The following PREX1 variants were observed in gnomAD, a reference collection of about 807,000 sequenced individuals.
The protein encoded by PREX1 is phosphatidylinositol 3,4,5-trisphosphate-dependent Rac exchanger 1 protein.
PREX1 carries 41 observed loss-of-function variants against 198.3 expected under a neutral mutation model. The ratio of observed to expected loss-of-function variants is 0.21; its 90% CI spans 0.16 to 0.27. The LOEUF (loss-of-function observed/expected upper bound fraction) is 0.27, where lower values mean the gene tolerates loss of function less well. Ranked by LOEUF, PREX1 falls within the 10% of genes least tolerant of loss-of-function variation. PREX1 has a pLI of 1.00. For missense variants in PREX1, 1,620 were observed against 2,200.7 expected (o/e 0.74, Z 5.28); for synonymous variants, 843 against 887.2 (o/e 0.95, Z 0.89).
At chr20:48,831,150 C>G (rs1439074259), upstream of PREX1, among the ~76,000 whole-genome samples, 2 of 152,140 alleles carry the variant, frequency 1.3e-5, no homozygotes, top group African/African-American at 4.8e-5. Context: ...GCAACATTGC[C>G]TCCTCACACA....
chr20:48,682,301 C>T (rs547379799), intron 10 of PREX1, among the ~76,000 whole-genome samples: 11 of 152,308 alleles, frequency 7.2e-5, no homozygotes, highest in Non-Finnish European at 1.3e-4. Context: ...GAGAAGCCTT[C>T]CCTGACTACC....
At chr20:48,627,759 G>T (rs1468243332) in intron 38 of PREX1, 102 bp downstream of exon 38, 3 of 1,392,340 alleles carry the variant, frequency 2.2e-6, no homozygotes, top group South Asian at 1.2e-5. Flanking sequence ...GAAGGCTCAG[G>T]TCTGGGGCTG....
chr20:48,873,662 G>A, the PREX1 span, among the ~76,000 whole-genome samples: 49 of 151,900 alleles, frequency 3.2e-4, 2 homozygotes, highest in East Asian at 6.2e-3. Context: ...GGAGGTTGCA[G>A]TGAGCTGAGA....
At chr20:48,780,026 A>T (rs1295759301) in intron 1 of PREX1, among the ~76,000 whole-genome samples, 3 of 152,252 alleles carry the variant, frequency 2.0e-5, no homozygotes, top group Non-Finnish European at 4.4e-5. Flanking sequence ...AAGTCAAATT[A>T]AATGTTTGAA....
intron 1 of PREX1, among the ~76,000 whole-genome samples, chr20:48,811,319 C>G (rs2090434011): frequency 6.6e-6 from 1 of 152,056 alleles, no homozygotes; most frequent in Admixed American, 6.6e-5. Flanking sequence ...CCAGCCTAAA[C>G]AAAAAATTTT....
At chr20:48,828,839 G>C (rs1484654702), upstream of PREX1, among the ~76,000 whole-genome samples, 1 of 152,242 alleles carries the variant, frequency 6.6e-6, no homozygotes, top group Non-Finnish European at 1.5e-5. Context: ...CATGGGATAA[G>C]GCCTTGGGAA....
At chr20:48,772,673 T>C (rs1362638584) in intron 1 of PREX1, among the ~76,000 whole-genome samples, 3 of 152,072 alleles carry the variant, frequency 2.0e-5, no homozygotes, top group Admixed American at 6.5e-5. Context: ...GCCCTGAAAC[T>C]GAGGGCTGAG....
Position 48,703,920 on chromosome 20 carries a change from AG to A in PREX1, c.784-3035del, listed in dbSNP as rs2089888802. Among the ~76,000 whole-genome samples the A allele has an allele frequency of 3.3e-5, 5 of 152,328 alleles. No individual in the cohort carries two copies. In the East Asian group the frequency reaches 9.6e-4, roughly 29 times the overall value. The stretch of plus-strand genomic sequence containing the variant: ...GGGTGGTGCTAGGGGTTGGATGCAC[AG>A]GGAAGAGGCTGAGCACCAAGACATG... On this transcript the variant is annotated intron_variant, in intron 6 of 39. Coordinates refer to ENST00000371941, the MANE Select transcript of PREX1 (RefSeq NM_020820.4).
At chr20:48,642,318 C>T in intron 28 of PREX1, 60 bp from the exon 29 acceptor site, 1 of 1,605,730 alleles carries the variant, frequency 6.2e-7, no homozygotes, top group East Asian at 2.2e-5. Context: ...CTGCAGACAT[C>T]TGGGACCCAC....
At chr20:48,797,645 T>G (rs1342245395) in intron 1 of PREX1, among the ~76,000 whole-genome samples, 1 of 152,074 alleles carries the variant, frequency 6.6e-6, no homozygotes, top group East Asian at 1.9e-4. Context: ...CCCCCGTCGG[T>G]CCCCGCTTGT....
At position 48,659,896 on chromosome 20, in the gene PREX1, C is replaced by G. The variant is rs748642298; in HGVS notation, c.1881+23G>C. The G allele has an allele frequency of 1.9e-6, 3 of 1,613,668 alleles. No individual in the cohort carries two copies. The Admixed American group carries it at 5.0e-5, about 27-fold the overall frequency. Reference sequence around the variant, plus strand: ...GCAGGGGGCTCTGGCAAGGAAGGGACAGCTGCTCAGCTGTGCTCCTACCAG... The same window carrying G: ...GCAGGGGGCTCTGGCAAGGAAGGGAGAGCTGCTCAGCTGTGCTCCTACCAG... On this transcript the variant is annotated intron_variant, in intron 16 of 39. Transcript: ENST00000371941.
At chr20:48,712,817 C>T (rs541278230) in intron 5 of PREX1, among the ~76,000 whole-genome samples, 22 of 152,266 alleles carry the variant, frequency 1.4e-4, no homozygotes, top group African/African-American at 5.3e-4. Context: ...TTTCCTCTCC[C>T]GGCACACTCC....
intron 5 of PREX1, among the ~76,000 whole-genome samples, chr20:48,710,374 G>A (rs565585191): frequency 5.9e-5 from 9 of 152,310 alleles, no homozygotes; most frequent in East Asian, 5.8e-4. Context: ...AGAGTAGACC[G>A]GTCAACAAGG....
At chr20:48,778,716 G>A (rs995784185) in intron 1 of PREX1, among the ~76,000 whole-genome samples, 9 of 152,196 alleles carry the variant, frequency 5.9e-5, no homozygotes, top group Non-Finnish European at 5.9e-5. Context: ...AAATATGGCC[G>A]TTTGACTTTT....
chr20:48,886,364 TCTC>T, the PREX1 span, among the ~76,000 whole-genome samples: 1 of 152,138 alleles, frequency 6.6e-6, no homozygotes, highest in Admixed American at 6.5e-5. Flanking sequence ...CTCACTTCCT[TCTC>T]CTGGCAGTGG....
chr20:48,647,141 G>C (rs529927402), intron 25 of PREX1, among the ~76,000 whole-genome samples: 4 of 151,500 alleles, frequency 2.6e-5, no homozygotes, highest in African/African-American at 4.8e-5. Flanking sequence ...GAGGCAGGAG[G>C]ATCACTTGAG....
chr20:48,757,452 TG>T (rs1303412904), intron 1 of PREX1, among the ~76,000 whole-genome samples: 6 of 152,190 alleles, frequency 3.9e-5, no homozygotes, highest in African/African-American at 1.4e-4. Context: ...TCCCACAAGG[TG>T]GGCTACTGCA....
In PREX1 at chr20:48,666,161, C is replaced by T; in HGVS notation, c.1738+122G>A. On this transcript the variant is annotated intron_variant, in intron 15 of 39. Coordinates refer to ENST00000371941, the MANE Select transcript of PREX1 (RefSeq NM_020820.4). This position sits in a 1 kb window ranked among gnomAD's most constrained non-coding sequence, Gnocchi z 4.3. ...GGGGAGGGAGGTGGGATTCGTGAGC[C>T]TCCCCAAACCCCCGGGGGTCTAGAG... 1.0e-6 allele frequency: 1 copy of T among 983,652 alleles called. No individual in the cohort carries two copies. Among genetic ancestry groups the T allele is most frequent in the Admixed American group, 2.3e-5 (1 of 44,118 alleles). 60.9% of individuals were successfully genotyped at this position (983,652 alleles called of 1,614,324 possible).
At chr20:48,788,796 G>C (rs754164357) in intron 1 of PREX1, among the ~76,000 whole-genome samples, 2 of 152,158 alleles carry the variant, frequency 1.3e-5, no homozygotes, top group African/African-American at 2.4e-5. Flanking sequence ...ATGCATTCAC[G>C]GATTAACGGG....
Sources: gnomAD v4.1 joint callset for allele counts (sites outside exome capture counted in the v4.1 genomes callset) on GRCh38, gnomAD v4.1.1 for gene constraint, Gnocchi (gnomAD v3.1) non-coding constraint, MANE v1.5 for transcripts, NCBI Gene and HGNC (gene_info 2026-07-23, HGNC 2026-07-21) for gene names.